The following SLC45A4 variants were observed in gnomAD, a reference collection of about 807,000 sequenced individuals.
SLC45A4 encodes polyamine-transporter SLC45A4.
Under a neutral mutation model 63.7 loss-of-function variants are expected in SLC45A4, and 32 were observed. The ratio of observed to expected loss-of-function variants is 0.50; its 90% CI spans 0.38 to 0.67. The LOEUF is 0.67. Among genes scored for constraint, SLC45A4 ranks in the 30% least tolerant of loss-of-function variants. The probability of loss-of-function intolerance (pLI) is 0.00; values close to 1 mark genes in which losing one functional copy is unlikely to be tolerated. For missense variants in SLC45A4, 1,027 were observed against 1,157.7 expected, an observed-to-expected ratio of 0.89 and a Z score of 1.64; for synonymous variants, 535 against 510.0, an observed-to-expected ratio of 1.05 and a Z score of -0.66.
In SLC45A4 at chr8:141,218,694, T is replaced by C; in HGVS notation, c.946A>G (p.Thr316Ala). 1.9e-6 allele frequency: 3 copies of C among 1,612,620 alleles called. No homozygotes were observed. Among genetic ancestry groups the C allele is most frequent in the Non-Finnish European group, 2.5e-6 (3 of 1,179,376 alleles). Reference sequence around the variant, plus strand: ...AGCTCGGGCTCCAGGTCCAGCGCGGTGTCCGGCACGTGCAATGCCGAGTCG... The same window carrying C: ...AGCTCGGGCTCCAGGTCCAGCGCGGCGTCCGGCACGTGCAATGCCGAGTCG... ...KSDSALHVPD[T>A]ALDLEPELLF... The change falls in exon 5 of 9, where the codon ACC becomes GCC. Residue 316 changes from threonine (T) to alanine (A), a missense_variant. Physicochemically the swap from Thr to Ala is moderately conservative, Grantham distance 58. Transcript: ENST00000517878.
intron 7 of SLC45A4, among the ~76,000 whole-genome samples, chr8:141,214,834 T>C (rs1312702521): frequency 3.9e-5 from 6 of 152,140 alleles, no homozygotes; most frequent in African/African-American, 1.4e-4. Context: ...TGCTGGGTCA[T>C]GACCTAGGCA....
At chr8:141,295,135 G>A (rs1405349006) in intron 1 of SLC45A4, among the ~76,000 whole-genome samples, 3 of 152,236 alleles carry the variant, frequency 2.0e-5, no homozygotes, top group South Asian at 4.1e-4. Context: ...AGGAAGCAGC[G>A]CTGTGTGGTC....
At chr8:141,240,265 GCT>G (rs1827847417) in intron 2 of SLC45A4, among the ~76,000 whole-genome samples, 1 of 152,198 alleles carries the variant, frequency 6.6e-6, no homozygotes, top group Non-Finnish European at 1.5e-5. Flanking sequence ...GAGAAGTTAG[GCT>G]CTCACGTTAA....
intron 2 of SLC45A4, chr8:141,228,136 T>G: frequency 6.2e-7 from 1 of 1,611,996 alleles, no homozygotes; most frequent in Non-Finnish European, 8.5e-7. Context: ...TTAGATGGAG[T>G]GATCTGGGTG....
chr8:141,228,072 G>C (rs1422474977), intron 2 of SLC45A4: 1 of 1,358,360 alleles, frequency 7.4e-7, no homozygotes, highest in Middle Eastern at 2.0e-4. Context: ...TGAGGGGAGA[G>C]CTGTGTGGAG....
rs551226759 is a variant in SLC45A4, at chr8:141,218,847, T to C, written c.793A>G (p.Ser265Gly). 1.2e-6 allele frequency: 2 copies of C among 1,613,264 alleles called. No homozygotes were observed. The highest frequency in any genetic ancestry group is 2.7e-5 in the African/African-American group (2 of 75,054). Reference sequence around the variant, plus strand: ...TCCAGGGCGCCGGGCTCCTCAGCGCTGCGCTCCTGCTGCGGGCTGTACTGC... The same window carrying C: ...TCCAGGGCGCCGGGCTCCTCAGCGCCGCGCTCCTGCTGCGGGCTGTACTGC... Reference protein sequence around the residue: ...EEQYSPQQERSAEEPGALDGG... With the variant: ...EEQYSPQQERGAEEPGALDGG... The change falls in exon 5 of 9, where the codon AGC becomes GGC. Residue 265 changes from serine to glycine, a missense_variant. Physicochemically the swap from Ser to Gly is moderately conservative, Grantham distance 56. Transcript: ENST00000517878.
At chr8:141,250,514 T>C (rs1828412298) in intron 2 of SLC45A4, among the ~76,000 whole-genome samples, 1 of 150,138 alleles carries the variant, frequency 6.7e-6, no homozygotes, top group South Asian at 2.2e-4. Flanking sequence ...GCCTCCCAAA[T>C]AGCTGTGATT....
rs1826124042 is a variant in SLC45A4, at chr8:141,215,989, G to A, written c.1730-19C>T. 4 of 1,607,644 alleles carry A rather than the reference G, an allele frequency of 2.5e-6. No homozygotes were observed. Among genetic ancestry groups the A allele is most frequent in the Non-Finnish European group, 2.5e-6 (3 of 1,176,894 alleles). On this transcript the variant is annotated intron_variant, in intron 6 of 8. Transcript: ENST00000517878. The surrounding 1 kb of genome is among the most constrained non-coding windows in gnomAD (Gnocchi z 4.3). ...AACAGGGCTGCAGAGAGGGGCACAG[G>A]GACAAGGACAGTGGGCAGGCGGCTG... is the stretch of plus-strand genomic sequence containing the variant.
At chr8:141,228,205 C>G (rs758715836) in intron 2 of SLC45A4, 1 of 1,614,078 alleles carries the variant, frequency 6.2e-7, no homozygotes, top group Non-Finnish European at 8.5e-7. Flanking sequence ...TTGATTTGAC[C>G]TCAGTGGACT....
intron 1 of SLC45A4, among the ~76,000 whole-genome samples, chr8:141,268,147 C>T (rs777388925): frequency 9.2e-5 from 14 of 152,164 alleles, no homozygotes; most frequent in African/African-American, 2.7e-4. Flanking sequence ...TGAGCTCTGA[C>T]GCCATGCACG....
chr8:141,211,343 T>A lies in SLC45A4; in HGVS notation c.*229A>T. 2.9e-6 allele frequency: 4 copies of A among 1,360,628 alleles called. No homozygotes were observed. In the South Asian group the frequency reaches 4.8e-5, roughly 16 times the overall value. The allele number at this position is 1,360,628 out of a possible 1,614,324, so 84.3% of individuals were successfully genotyped here. On this transcript the variant is annotated 3_prime_UTR_variant, in exon 9 of 9. Coordinates refer to ENST00000517878, the MANE Select transcript of SLC45A4 (RefSeq NM_001286646.2). ...GTCACATGGCTGGGCGCAGACACAC[T>A]CACACGCGCACGCAGGAGCTCGTCT...
At chr8:141,248,590 T>C (rs530434713) in intron 2 of SLC45A4, among the ~76,000 whole-genome samples, 1 of 151,588 alleles carries the variant, frequency 6.6e-6, no homozygotes, top group African/African-American at 2.4e-5. Flanking sequence ...AATAAATAAA[T>C]AAAAGTGGCT....
At chr8:141,269,352 C>T (rs1451624501) in intron 1 of SLC45A4, among the ~76,000 whole-genome samples, 1 of 152,248 alleles carries the variant, frequency 6.6e-6, no homozygotes, top group Non-Finnish European at 1.5e-5. Context: ...GCAGACCACA[C>T]ATCCATCCTT....
chr8:141,237,678 C>T (rs966930524), intron 2 of SLC45A4, among the ~76,000 whole-genome samples: 1 of 152,164 alleles, frequency 6.6e-6, no homozygotes, highest in Non-Finnish European at 1.5e-5. Flanking sequence ...ATGCCTTCCC[C>T]GAAGTGGCGC....
intron 1 of SLC45A4, among the ~76,000 whole-genome samples, chr8:141,307,816 T>G (rs971562134): frequency 4.3e-3 from 288 of 67,540 alleles, no homozygotes; most frequent in Middle Eastern, 0.011. Flanking sequence ...GGGGCCGGGG[T>G]GGGGGGAATG....
chr8:141,218,761 C>G lies in SLC45A4; in HGVS notation c.879G>C (p.Leu293=), dbSNP rs1210385229. ...FPDEVQSEHE[L]ALDYPDVDIM... ...TGTCCACGTCCGGGTAGTCCAGGGC[C>G]AGCTCGTGCTCCGACTGTACCTCGT... The change falls in exon 5 of 9, where the codon CTG becomes CTC. Residue 293 remains leucine (L), a synonymous_variant. Transcript: ENST00000517878. The G allele has an allele frequency of 6.2e-7, 1 of 1,613,182 alleles. No individual in the cohort carries two copies. The highest frequency in any genetic ancestry group is 1.3e-5 in the African/African-American group (1 of 74,938).
At chr8:141,288,528 C>CCA (rs754457340) in intron 1 of SLC45A4, among the ~76,000 whole-genome samples, 7 of 152,228 alleles carry the variant, frequency 4.6e-5, no homozygotes, top group Non-Finnish European at 1.0e-4. Context: ...TTCTCTTGCC[C>CCA]CACCAAGTTA....
chr8:141,221,436 A>C, intron 3 of SLC45A4, 141 bp downstream of exon 3: 1 of 1,071,606 alleles, frequency 9.3e-7, no homozygotes, highest in Non-Finnish European at 1.3e-6. Flanking sequence ...GGTCACCGCC[A>C]GGGTGGCCCC....
intron 1 of SLC45A4, among the ~76,000 whole-genome samples, chr8:141,276,233 T>A (rs1012039004): frequency 6.6e-6 from 1 of 152,156 alleles, no homozygotes; most frequent in South Asian, 2.1e-4. Context: ...AAACAAACAA[T>A]AAGTTACCTC....
Sources: allele counts gnomAD v4.1 joint callset (sites outside exome capture counted in the v4.1 genomes callset), GRCh38; gene constraint gnomAD v4.1.1; non-coding constraint Gnocchi (gnomAD v3.1); transcripts MANE v1.5; gene names NCBI Gene and HGNC (gene_info 2026-07-23, HGNC 2026-07-21).